Variants in CCDC39 observed in about 807,000 individuals in gnomAD.
CCDC39 encodes coiled-coil domain 39 molecular ruler complex subunit.
Under a neutral mutation model 121.0 loss-of-function variants are expected in CCDC39, and 113 were observed. That is an observed-to-expected ratio of 0.93 (90% CI 0.80 to 1.09). The LOEUF (loss-of-function observed/expected upper bound fraction) is 1.09. Ranked by LOEUF, CCDC39 falls within the 50% of genes least tolerant of loss-of-function variation. The pLI is 0.00. For synonymous variants in CCDC39, 349 were observed against 352.2 expected (o/e 0.99, Z 0.10); for missense variants, 1,063 against 1,074.7 (o/e 0.99, Z 0.15).
At chr3:180,654,242 A>G (rs985805679) in intron 7 of CCDC39, among the ~76,000 whole-genome samples, 2 of 130,418 alleles carry the variant, frequency 1.5e-5, no homozygotes, top group Non-Finnish European at 3.0e-5. Flanking sequence ...AAAAAAAAAA[A>G]GAGAGAAAGA....
At chr3:180,625,864 G>A (rs1023569595) in intron 14 of CCDC39, among the ~76,000 whole-genome samples, 1 of 151,838 alleles carries the variant, frequency 6.6e-6, no homozygotes, top group Non-Finnish European at 1.5e-5. Context: ...CCCCATTGGT[G>A]GCAGTGGTGG....
At chr3:180,621,278 A>G (rs1163381779) in intron 14 of CCDC39, among the ~76,000 whole-genome samples, 1 of 151,300 alleles carries the variant, frequency 6.6e-6, no homozygotes, top group Non-Finnish European at 1.5e-5. Context: ...TTGTGTAGAT[A>G]CCAGGTAGTA....
At chr3:180,620,032 T>C in intron 14 of CCDC39, 62 bp from the exon 15 acceptor site, 2 of 1,298,590 alleles carry the variant, frequency 1.5e-6, no homozygotes, top group Non-Finnish European at 2.1e-6. Flanking sequence ...AAATGCCTAA[T>C]GGCTGTCTTT....
chr3:180,625,356 T>C (rs908158341), intron 14 of CCDC39, among the ~76,000 whole-genome samples: 4 of 151,806 alleles, frequency 2.6e-5, no homozygotes, highest in Non-Finnish European at 5.9e-5. Flanking sequence ...TTCTTTTTTT[T>C]TTTTTTTAAG....
chr3:180,623,151 C>T (rs188015393), intron 14 of CCDC39, among the ~76,000 whole-genome samples: 17 of 149,242 alleles, frequency 1.1e-4, no homozygotes, highest in Admixed American at 7.4e-4. Flanking sequence ...TCGGTTTATT[C>T]GGGATTTTTG....
intron 9 of CCDC39, among the ~76,000 whole-genome samples, chr3:180,649,638 G>T (rs189084818): frequency 6.6e-6 from 1 of 151,988 alleles, no homozygotes; most frequent in Non-Finnish European, 1.5e-5. Flanking sequence ...AAAAAGATAG[G>T]GTTGGGATTT....
At chr3:180,623,379 G>A (rs915647101) in intron 14 of CCDC39, among the ~76,000 whole-genome samples, 1 of 151,664 alleles carries the variant, frequency 6.6e-6, no homozygotes, top group African/African-American at 2.4e-5. Context: ...TATCAATTTT[G>A]TTTGTCATTT....
At chr3:180,671,210 C>CAA (rs67323828) in intron 1 of CCDC39, among the ~76,000 whole-genome samples, 4 of 78,358 alleles carry the variant, frequency 5.1e-5, no homozygotes, top group Admixed American at 1.4e-4. Context: ...GACTCTGTGT[C>CAA]AAAAAAAAAA....
At chr3:180,663,416 C>A (rs1448160821) in intron 2 of CCDC39, among the ~76,000 whole-genome samples, 1 of 151,958 alleles carries the variant, frequency 6.6e-6, no homozygotes, top group South Asian at 2.1e-4. Context: ...AAAATTGGAG[C>A]AGTCGCAGCA....
At chr3:180,662,783 G>A (rs879773472) in intron 2 of CCDC39, among the ~76,000 whole-genome samples, 2 of 152,090 alleles carry the variant, frequency 1.3e-5, no homozygotes, top group Non-Finnish European at 2.9e-5. Flanking sequence ...TATTAAATTT[G>A]TAACTTTCTA....
At chr3:180,624,409 C>T (rs1717504605) in intron 14 of CCDC39, among the ~76,000 whole-genome samples, 5 of 152,074 alleles carry the variant, frequency 3.3e-5, no homozygotes, top group Admixed American at 2.0e-4. Context: ...CATTTACATT[C>T]AAACTTATAT....
Position 180,642,075 on chromosome 3 carries a change from C to T in CCDC39, c.1792G>A (p.Glu598Lys), listed in dbSNP as rs1359280809. Residue 598 changes from glutamate to lysine, a missense_variant, in exon 13 of 20, where the codon GAG becomes AAG. Physicochemically the swap from Glu to Lys is moderately conservative, Grantham distance 56. Transcript: ENST00000476379. ...TGAACCTTGATTTCTTCAGTTCGCT[C>T]TTCCATTGCTGTGTATAATTGCTGT... ...RKQQLYTAME[E>K]RTEEIKVHKT... is the part of the protein sequence containing the mutation. 1.9e-6 allele frequency: 3 copies of T among 1,612,526 alleles called. No homozygotes were observed.
intron 7 of CCDC39, among the ~76,000 whole-genome samples, chr3:180,654,500 A>C (rs1479790052): frequency 6.6e-6 from 1 of 151,824 alleles, no homozygotes; most frequent in Non-Finnish European, 1.5e-5. Flanking sequence ...CAAAATGAAA[A>C]GGTAACCTAC....
At chr3:180,676,102 A>C (rs1285335968) in intron 1 of CCDC39, among the ~76,000 whole-genome samples, 22 of 152,190 alleles carry the variant, frequency 1.4e-4, no homozygotes, top group Non-Finnish European at 2.9e-5. Context: ...TTCATGTCTA[A>C]AACACCAAAA....
chr3:180,637,658 G>C (rs1717863315), intron 13 of CCDC39, among the ~76,000 whole-genome samples: 1 of 152,120 alleles, frequency 6.6e-6, no homozygotes. Context: ...ATTCACAGTA[G>C]CAAAGACATG....
intron 14 of CCDC39, among the ~76,000 whole-genome samples, chr3:180,621,231 G>A (rs1717424558): frequency 1.3e-5 from 2 of 152,134 alleles, no homozygotes; most frequent in Admixed American, 1.3e-4. Context: ...AAACATAGGA[G>A]TGGAGGTATC....
intron 1 of CCDC39, among the ~76,000 whole-genome samples, chr3:180,675,780 C>T (rs1712181440): frequency 6.6e-6 from 1 of 152,088 alleles, no homozygotes; most frequent in Non-Finnish European, 1.5e-5. Context: ...CAGCATGGTA[C>T]TGGTACCAAA....
At chr3:180,674,385 C>T (rs977183758) in intron 1 of CCDC39, among the ~76,000 whole-genome samples, 1 of 152,190 alleles carries the variant, frequency 6.6e-6, no homozygotes, top group Non-Finnish European at 1.5e-5. Context: ...TGGGCTGAGA[C>T]GATGGGGTTT....
At chr3:180,670,639 CTTTT>C (rs573623299) in intron 1 of CCDC39, among the ~76,000 whole-genome samples, 1 of 120,434 alleles carries the variant, frequency 8.3e-6, no homozygotes, top group Admixed American at 8.5e-5. Context: ...TTTTTTTTCT[CTTTT>C]TTTTTTTTTT....
Sources: allele counts gnomAD v4.1 joint callset (sites outside exome capture counted in the v4.1 genomes callset), GRCh38; gene constraint gnomAD v4.1.1; transcripts MANE v1.5; gene names NCBI Gene and HGNC (gene_info 2026-07-23, HGNC 2026-07-21).